Variants in LARGE1 observed in about 807,000 individuals in gnomAD.
LARGE1 encodes the protein xylosyl- and glucuronyltransferase LARGE1.
A neutral mutation model predicts 87.6 loss-of-function variants in LARGE1; 43 were observed. That is an observed-to-expected ratio of 0.49 (90% CI 0.38 to 0.63). The LOEUF (loss-of-function observed/expected upper bound fraction) is 0.63. Among genes scored for constraint, LARGE1 ranks in the 30% least tolerant of loss-of-function variants. The pLI, the probability that LARGE1 is intolerant of heterozygous loss-of-function variation, is 0.00. For synonymous variants in LARGE1, 434 were observed against 394.6 expected (o/e 1.10, Z -1.18); for missense variants, 802 against 1,000.2 (o/e 0.80, Z 2.67).
the LARGE1 span, among the ~76,000 whole-genome samples, chr22:33,140,625 C>T: frequency 2.6e-5 from 4 of 152,304 alleles, no homozygotes; most frequent in South Asian, 8.3e-4. Flanking sequence ...TCATCTCTCT[C>T]CCATGCTGGA....
rs1475979905 is a variant in LARGE1 at position 33,399,443 on chromosome 22, CAT to C, written c.893-15141_893-15140del. ...CTATTGTAAATAGTGCTGCAATAAA[CAT>C]ACGTGTGCATGTGTCTTTATAGTAG... On this transcript the variant is annotated intron_variant, in intron 7 of 14. Coordinates refer to ENST00000397394, the MANE Select transcript of LARGE1 (RefSeq NM_133642.5). 2.0e-5 allele frequency among the ~76,000 whole-genome samples: 3 copies of C among 152,318 alleles called. No homozygotes were observed. In the East Asian group the frequency reaches 5.8e-4, roughly 29 times the overall value.
intron 4 of LARGE1, among the ~76,000 whole-genome samples, chr22:33,625,401 C>T (rs1192629197): frequency 1.3e-5 from 2 of 152,232 alleles, no homozygotes; most frequent in Non-Finnish European, 2.9e-5. Flanking sequence ...GGCATTATCA[C>T]TTCCAGGTAG....
At chr22:33,735,611 G>A (rs1416950227) in intron 2 of LARGE1, among the ~76,000 whole-genome samples, 2 of 152,150 alleles carry the variant, frequency 1.3e-5, no homozygotes, top group Non-Finnish European at 2.9e-5. Flanking sequence ...TTTGCCTTCA[G>A]CAGCTCCATT....
chr22:33,358,482 C>T (rs2064260920), intron 9 of LARGE1, among the ~76,000 whole-genome samples: 1 of 152,282 alleles, frequency 6.6e-6, no homozygotes, highest in African/African-American at 2.4e-5. Flanking sequence ...ACTGACACAA[C>T]TCTAACTATT....
intron 6 of LARGE1, among the ~76,000 whole-genome samples, chr22:33,525,549 T>C (rs183703905): frequency 5.9e-5 from 9 of 152,274 alleles, no homozygotes; most frequent in Admixed American, 1.3e-4. Context: ...GTCCCAGATA[T>C]GAAAATGTAT....
chr22:33,512,922 T>A (rs560741047), intron 6 of LARGE1, among the ~76,000 whole-genome samples: 1 of 152,348 alleles, frequency 6.6e-6, no homozygotes, highest in Non-Finnish European at 1.5e-5. Context: ...ATGTACTCTA[T>A]AATAAGCAAA....
chr22:33,357,011 C>T (rs1940954883), intron 9 of LARGE1, among the ~76,000 whole-genome samples: 1 of 152,172 alleles, frequency 6.6e-6, no homozygotes, highest in African/African-American at 2.4e-5. Context: ...AATCCTACTA[C>T]TCAGTATCTA....
rs571483672 is a variant in LARGE1 at position 33,700,970 on chromosome 22, T to C, written c.107-50302A>G. 1.2e-3 allele frequency among the ~76,000 whole-genome samples: 182 copies of C among 152,296 alleles called. 2 individuals carry two copies. The highest frequency in any genetic ancestry group is 4.2e-3 in the African/African-American group (175 of 41,568). On this transcript the variant is annotated intron_variant, in intron 2 of 14. Coordinates refer to ENST00000397394, the MANE Select transcript of LARGE1 (RefSeq NM_133642.5). ...GCAGCTGGCAGTGAGGACAAAGACG[T>C]TGACAGCAGTGTTTCTCACCCTGTA...
rs970037620 is a variant in LARGE1, at chr22:33,361,201, C to T, written c.1131+20718G>A. On this transcript the variant is annotated intron_variant, in intron 9 of 14. Transcript: ENST00000397394. ...CTCCAGCCTGGGTGACAGAGCAAGA[C>T]TGTTTAAAAAAATAATAATAATAAA... Among the ~76,000 whole-genome samples the T allele has an allele frequency of 4.7e-5, 7 of 148,754 alleles. 1 individual carries two copies. Among genetic ancestry groups the T allele is most frequent in the Admixed American group, 1.3e-4 (2 of 15,016 alleles).
chr22:33,714,122 A>C (rs975447028), intron 2 of LARGE1, among the ~76,000 whole-genome samples: 2 of 152,122 alleles, frequency 1.3e-5, no homozygotes, highest in African/African-American at 4.8e-5. Context: ...CCTCCTACCA[A>C]GTTGGCTACT....
At chr22:33,154,190 T>A in the LARGE1 span, among the ~76,000 whole-genome samples, 3 of 151,464 alleles carry the variant, frequency 2.0e-5, no homozygotes, top group African/African-American at 7.3e-5. Context: ...AAAAGTAAAC[T>A]CCTCTTTTAT....
intron 12 of LARGE1, among the ~76,000 whole-genome samples, chr22:33,291,002 G>C (rs1439879623): frequency 6.6e-6 from 1 of 151,378 alleles, no homozygotes; most frequent in Non-Finnish European, 1.5e-5. Flanking sequence ...TTGCACCACT[G>C]CACTCCAGCC....
chr22:33,337,518 G>A, intron 10 of LARGE1, 128 bp downstream of exon 10: 1 of 1,069,898 alleles, frequency 9.3e-7, no homozygotes, highest in Non-Finnish European at 1.4e-6. Flanking sequence ...GGTGGACCCT[G>A]GGCACCGATG....
At chr22:33,427,580 T>C (rs187763842) in intron 7 of LARGE1, among the ~76,000 whole-genome samples, 2 of 152,370 alleles carry the variant, frequency 1.3e-5, no homozygotes, top group East Asian at 3.9e-4. Flanking sequence ...CCTGGTATGA[T>C]GCCTGGTGGG....
At chr22:33,638,465 C>T (rs1217857186) in intron 3 of LARGE1, among the ~76,000 whole-genome samples, 1 of 149,338 alleles carries the variant, frequency 6.7e-6, no homozygotes, top group Non-Finnish European at 1.5e-5. Context: ...AGATGATCCC[C>T]ATATAATGAC....
chr22:33,460,519 C>T lies in LARGE1; in HGVS notation c.788-28254G>A, dbSNP rs371335632. ...ATGCATGTATATATGCACATACATGCATTTATCTGTGTGTAACAGAAATAG... is the reference window on the plus strand; with the variant it reads ...ATGCATGTATATATGCACATACATGTATTTATCTGTGTGTAACAGAAATAG... On this transcript the variant is annotated intron_variant, in intron 6 of 14. Transcript: ENST00000397394. Among the ~76,000 whole-genome samples the T allele has an allele frequency of 7.0e-4, 106 of 152,200 alleles. 1 individual carries two copies. The South Asian group carries it at 0.02, about 29-fold the overall frequency.
At chr22:33,840,706 A>G (rs2146409708) in intron 1 of LARGE1, among the ~76,000 whole-genome samples, 1 of 152,036 alleles carries the variant, frequency 6.6e-6, no homozygotes, top group South Asian at 2.1e-4. Flanking sequence ...GGTCTCGCTC[A>G]GTCACCCAGG....
chr22:33,237,518 G>C (rs540465783), intron 11 of LARGE1, among the ~76,000 whole-genome samples: 2 of 151,698 alleles, frequency 1.3e-5, no homozygotes, highest in African/African-American at 4.8e-5. Context: ...AAAAAAACCT[G>C]CAACTAATAC....
At chr22:33,604,298 G>C in intron 5 of LARGE1, 137 bp downstream of exon 5, 1 of 1,132,756 alleles carries the variant, frequency 8.8e-7, no homozygotes, top group South Asian at 1.3e-5. Flanking sequence ...AGATTCTGCT[G>C]GCAAACAACT....
Sources: allele counts gnomAD v4.1 joint callset (sites outside exome capture counted in the v4.1 genomes callset), GRCh38; gene constraint gnomAD v4.1.1; transcripts MANE v1.5; gene names NCBI Gene and HGNC (gene_info 2026-07-23, HGNC 2026-07-21).